ARFGEF2: variants seen among roughly 807,000 people sequenced by gnomAD.
ARFGEF2 encodes the protein brefeldin A-inhibited guanine nucleotide-exchange protein 2.
A neutral mutation model predicts 219.9 loss-of-function variants in ARFGEF2; 74 were observed. That is an observed-to-expected ratio of 0.34 (90% CI 0.28 to 0.41). The LOEUF is 0.41. ARFGEF2 is among the 10% of genes least tolerant of loss of function. ARFGEF2 has a pLI of 1.00. For synonymous variants in ARFGEF2, 733 were observed against 799.2 expected (o/e 0.92, Z 1.40); for missense variants, 1,743 against 2,218.3 (o/e 0.79, Z 4.30).
At chr20:48,929,979 G>GA (rs2090903151) in intron 1 of ARFGEF2, among the ~76,000 whole-genome samples, 1 of 152,142 alleles carries the variant, frequency 6.6e-6, no homozygotes, top group African/African-American at 2.4e-5. Flanking sequence ...TATTATTTTG[G>GA]AAAAATCATT....
intron 4 of ARFGEF2, 48 bp downstream of exon 4, chr20:48,951,517 C>A: frequency 6.2e-7 from 1 of 1,611,086 alleles, no homozygotes; most frequent in Non-Finnish European, 8.5e-7. Flanking sequence ...GAAAGCAAGT[C>A]CCTGTGGGAA....
intron 6 of ARFGEF2, among the ~76,000 whole-genome samples, chr20:48,959,427 T>TCCCTCCCTG (rs1568705249): frequency 1.2e-4 from 3 of 25,282 alleles, no homozygotes; most frequent in East Asian, 1.5e-3. Context: ...CTCCCTCCCT[T>TCCCTCCCTG]CTTCCTTCCC....
At position 48,994,474 on chromosome 20, in the gene ARFGEF2, G is replaced by A. The variant is rs1471134068; in HGVS notation, c.2997G>A (p.Leu999=). 6.2e-7 allele frequency: 1 copy of A among 1,614,010 alleles called. No homozygotes were observed. Among genetic ancestry groups the A allele is most frequent in the Admixed American group, 1.7e-5 (1 of 60,004 alleles). ...WHEILKCISQ[L]ELAQLIGTGV... ...AGATCTTGAAATGCATCAGCCAGCT[G>A]GAGCTCGCTCAGCTGATAGGAACCG... Residue 999 remains leucine, a synonymous_variant, in exon 22 of 39, where the codon CTG becomes CTA. Transcript: ENST00000371917.
chr20:49,005,986 A>G (rs929612352), intron 26 of ARFGEF2, among the ~76,000 whole-genome samples: 11 of 151,960 alleles, frequency 7.2e-5, no homozygotes, highest in Admixed American at 4.6e-4. Context: ...TAGGTACTAT[A>G]AAGAAGACAT....
At chr20:48,984,882 G>T (rs760324310) in intron 15 of ARFGEF2, 42 bp downstream of exon 15, 64 of 1,611,796 alleles carry the variant, frequency 4.0e-5, no homozygotes, top group Non-Finnish European at 5.3e-5. Context: ...AGTTCTGTCA[G>T]GTGATTGTGA....
intron 1 of ARFGEF2, among the ~76,000 whole-genome samples, chr20:48,925,670 T>TA (rs1397799786): frequency 3.3e-5 from 5 of 152,034 alleles, no homozygotes; most frequent in Non-Finnish European, 7.4e-5. Flanking sequence ...ACCCCATCTC[T>TA]AAAAAAATAT....
At chr20:48,933,611 A>T (rs2090927810) in intron 1 of ARFGEF2, among the ~76,000 whole-genome samples, 1 of 151,752 alleles carries the variant, frequency 6.6e-6, no homozygotes, top group Admixed American at 6.6e-5. Flanking sequence ...CCCACTAGAG[A>T]TTTTGCTTTA....
chr20:48,994,739 G>T (rs576811993), intron 22 of ARFGEF2, 141 bp downstream of exon 22: 1 of 1,265,432 alleles, frequency 7.9e-7, no homozygotes, highest in Non-Finnish European at 1.1e-6. Flanking sequence ...GCAAGTGGAC[G>T]TGCTGCTTTG....
intron 26 of ARFGEF2, 150 bp from the exon 27 acceptor site, chr20:49,010,082 G>A (rs763998687): frequency 2.2e-6 from 2 of 903,256 alleles, no homozygotes; most frequent in South Asian, 1.6e-5. Flanking sequence ...GGTTTGGAAT[G>A]GAAGTGAGAG....
At position 48,951,371 on chromosome 20, in the gene ARFGEF2, G is replaced by A. The variant is rs780511001; in HGVS notation, c.325G>A (p.Ala109Thr). Residue 109 changes from alanine to threonine, a missense_variant, in exon 4 of 39, where the codon GCC becomes ACC. Physicochemically the swap from Ala to Thr is moderately conservative, Grantham distance 58. Transcript: ENST00000371917. ...CACTGGCAACGCCCCTGACAGTGGAGCCCCTGGGAAGCGGCTGATCGACAG... is the reference window on the plus strand; with the variant it reads ...CACTGGCAACGCCCCTGACAGTGGAACCCCTGGGAAGCGGCTGATCGACAG... ...HITGNAPDSG[A>T]PGKRLIDRIV... is the part of the protein sequence containing the mutation. 6.2e-7 allele frequency: 1 copy of A among 1,614,218 alleles called. No homozygotes were observed. The highest frequency in any genetic ancestry group is 1.3e-5 in the African/African-American group (1 of 75,048).
intron 37 of ARFGEF2, among the ~76,000 whole-genome samples, chr20:49,030,276 C>CA (rs541523933): frequency 6.5e-4 from 98 of 151,722 alleles, no homozygotes; most frequent in African/African-American, 2.2e-3. Context: ...ATTTTTACCC[C>CA]AAAAAAAGCT....
chr20:48,999,160 C>T, intron 25 of ARFGEF2: 1 of 393,998 alleles, frequency 2.5e-6, no homozygotes, highest in South Asian at 1.9e-5. Context: ...ATTGCTTGAA[C>T]CTGGGAGGTG....
chr20:49,032,896 A>G (rs1486042174), intron 38 of ARFGEF2, 127 bp from the exon 39 acceptor site: 2 of 996,040 alleles, frequency 2.0e-6, no homozygotes, highest in Non-Finnish European at 3.0e-6. Context: ...CTCGGCCCCA[A>G]CTTTCTAATA....
rs754794695 is a variant in ARFGEF2, at chr20:49,018,846, A to G, written c.4510-38A>G. 2.6e-6 allele frequency: 4 copies of G among 1,562,728 alleles called. No homozygotes were observed. In the Admixed American group the frequency reaches 6.7e-5, roughly 26 times the overall value. ...CATCTCTGCCCAAATTATCATGAAG[A>G]AAAGTGAGCATTGTGTTTCCCTCTG... On this transcript the variant is annotated intron_variant, in intron 33 of 38. Coordinates refer to ENST00000371917, the MANE Select transcript of ARFGEF2 (RefSeq NM_006420.3).
intron 23 of ARFGEF2, among the ~76,000 whole-genome samples, chr20:48,996,692 C>T (rs1405135914): frequency 6.7e-6 from 1 of 149,054 alleles, no homozygotes; most frequent in Non-Finnish European, 1.5e-5. Context: ...TGTAGTGGGC[C>T]GAGATCGCGC....
chr20:48,946,277 G>GCTTCCTCTCCACTGGGAGAAGCCTGGAGA (rs2091025971), intron 3 of ARFGEF2, among the ~76,000 whole-genome samples: 4 of 152,146 alleles, frequency 2.6e-5, no homozygotes, highest in African/African-American at 9.7e-5. Context: ...GTTAGCTCAG[G>GCTTCCTCTCCACTGGGAGAAGCCTGGAGA]CTTCCTCTCC....
intron 22 of ARFGEF2, 132 bp downstream of exon 22, chr20:48,994,730 C>A: frequency 7.5e-7 from 1 of 1,325,384 alleles, no homozygotes; most frequent in Non-Finnish European, 1.0e-6. Context: ...TTCATGAATG[C>A]AAGTGGACGT....
At chr20:48,957,940 A>T (rs2091115298) in intron 6 of ARFGEF2, among the ~76,000 whole-genome samples, 1 of 152,200 alleles carries the variant, frequency 6.6e-6, no homozygotes. Flanking sequence ...GTTGCTCTTG[A>T]TGCTGTTTAA....
intron 18 of ARFGEF2, 79 bp from the exon 19 acceptor site, chr20:48,989,206 G>A (rs370880341): frequency 2.7e-6 from 4 of 1,475,224 alleles, no homozygotes; most frequent in African/African-American, 1.4e-5. Flanking sequence ...TAATCATTGT[G>A]CATCTTTTGA....
Sources: allele counts gnomAD v4.1 joint callset (sites outside exome capture counted in the v4.1 genomes callset), GRCh38; gene constraint gnomAD v4.1.1; transcripts MANE v1.5; gene names NCBI Gene and HGNC (gene_info 2026-07-23, HGNC 2026-07-21).